The following RAP1GAP variants were observed in gnomAD, a reference collection of about 807,000 sequenced individuals.
RAP1GAP encodes the protein RAP1 GTPase activating protein.
RAP1GAP carries 35 observed loss-of-function variants against 87.2 expected under a neutral mutation model. The observed-to-expected ratio is 0.40, with a 90% CI of 0.31 to 0.53. The LOEUF is 0.53. RAP1GAP is among the 20% of genes least tolerant of loss of function. RAP1GAP has a pLI of 0.48. For synonymous variants in RAP1GAP, 375 were observed against 363.9 expected, an observed-to-expected ratio of 1.03 and a Z score of -0.35; for missense variants, 734 against 898.9, an observed-to-expected ratio of 0.82 and a Z score of 2.35.
At chr1:21,651,674 C>A in intron 1 of RAP1GAP, 1 of 1,192,324 alleles carries the variant, frequency 8.4e-7, no homozygotes, top group East Asian at 2.7e-5. Context: ...AGTCATAGCC[C>A]AGGCCCACCC....
intron 1 of RAP1GAP, among the ~76,000 whole-genome samples, chr1:21,657,179 C>T (rs2096899898): frequency 6.6e-6 from 1 of 152,228 alleles, no homozygotes; most frequent in Non-Finnish European, 1.5e-5. Context: ...CAAATGCATG[C>T]AGACAGGCTC....
chr1:21,629,537 T>TC (rs1200705833), intron 2 of RAP1GAP, among the ~76,000 whole-genome samples: 1 of 151,802 alleles, frequency 6.6e-6, no homozygotes, highest in East Asian at 1.9e-4. Context: ...CACAGTCCTG[T>TC]CCCCCGAAGG....
At chr1:21,658,777 G>T (rs1307125619) in intron 1 of RAP1GAP, among the ~76,000 whole-genome samples, 2 of 151,518 alleles carry the variant, frequency 1.3e-5, no homozygotes, top group South Asian at 2.1e-4. Context: ...GGTGCCCAAG[G>T]CTGGTTACTT....
In RAP1GAP at chr1:21,611,900, G is replaced by C. The variant is rs949529810; in HGVS notation, c.613-84C>G. ...TCCCTACTTGGACCCAGAGAGGGCCGGAGGGAGGACCTCTGGCAGCCCCTG... is the reference window on the plus strand; with the variant it reads ...TCCCTACTTGGACCCAGAGAGGGCCCGAGGGAGGACCTCTGGCAGCCCCTG... On this transcript the variant is annotated intron_variant, in intron 11 of 24. Coordinates refer to ENST00000374765, the MANE Select transcript of RAP1GAP (RefSeq NM_002885.4). 1.9e-5 allele frequency: 29 copies of C among 1,498,980 alleles called. No individual in the cohort carries two copies. The African/African-American group carries it at 3.5e-4, about 18-fold the overall frequency. 92.9% of individuals were successfully genotyped at this position (1,498,980 alleles called of 1,614,324 possible).
Position 21,597,697 on chromosome 1 carries a change from C to T in RAP1GAP, c.*23G>A. 2 of 1,612,252 alleles carry T rather than the reference C, an allele frequency of 1.2e-6. No individual in the cohort carries two copies. Among genetic ancestry groups the T allele is most frequent in the South Asian group, 1.1e-5 (1 of 90,852 alleles). ...GGGCTGGGTCTAACCTGCTCAGTTT[C>T]ACCTTCAGAGGGGGTGGCCCGGCTA... On this transcript the variant is annotated 3_prime_UTR_variant, in exon 24 of 25. Coordinates refer to ENST00000374765, the MANE Select transcript of RAP1GAP (RefSeq NM_002885.4).
intron 3 of RAP1GAP, among the ~76,000 whole-genome samples, chr1:21,625,424 A>C (rs2091548009): frequency 6.6e-6 from 1 of 152,194 alleles, no homozygotes; most frequent in Non-Finnish European, 1.5e-5. Flanking sequence ...AAGTACTGCA[A>C]AAGTGAGAGC....
chr1:21,655,657 C>A (rs1247043451), intron 1 of RAP1GAP, among the ~76,000 whole-genome samples: 1 of 152,238 alleles, frequency 6.6e-6, no homozygotes, highest in East Asian at 1.9e-4. Context: ...TTTCCAGGGT[C>A]CAGGCCCTCC....
intron 1 of RAP1GAP, among the ~76,000 whole-genome samples, chr1:21,652,667 G>T (rs1051580917): frequency 6.6e-6 from 1 of 152,194 alleles, no homozygotes; most frequent in South Asian, 2.1e-4. Flanking sequence ...TCTGCAGCAG[G>T]TACTCATTCG....
chr1:21,606,874 A>G (rs1260934348), intron 17 of RAP1GAP, among the ~76,000 whole-genome samples: 1 of 151,996 alleles, frequency 6.6e-6, no homozygotes, highest in African/African-American at 2.4e-5. Flanking sequence ...AAATTCTTTG[A>G]CCTAATCTAG....
Position 21,615,894 on chromosome 1 carries a change from C to G in RAP1GAP, c.291+1412G>C, listed in dbSNP as rs189560782. Among the ~76,000 whole-genome samples the G allele has an allele frequency of 2.0e-4, 31 of 152,264 alleles. No homozygotes were observed. In the East Asian group the frequency reaches 6.0e-3, roughly 29 times the overall value. ...CTGGGAACCTCTGGACAGCAGGTGCCTAGGATGCAGGTCTCGCTCCACCTC... is the reference window on the plus strand; with the variant it reads ...CTGGGAACCTCTGGACAGCAGGTGCGTAGGATGCAGGTCTCGCTCCACCTC... On this transcript the variant is annotated intron_variant, in intron 7 of 24. Transcript: ENST00000374765. The surrounding 1 kb of genome is among the most constrained non-coding windows in gnomAD (Gnocchi z 4.5).
At chr1:21,650,278 G>A (rs1251093407) in intron 1 of RAP1GAP, among the ~76,000 whole-genome samples, 1 of 152,088 alleles carries the variant, frequency 6.6e-6, no homozygotes, top group African/African-American at 2.4e-5. Context: ...ATCCACCCAG[G>A]AAGCAAATGT....
chr1:21,664,746 ATTAT>A (rs1265440213), intron 1 of RAP1GAP, among the ~76,000 whole-genome samples: 1 of 42,770 alleles, frequency 2.3e-5, no homozygotes, highest in Non-Finnish European at 6.3e-5. Flanking sequence ...GAAAAGGCTT[ATTAT>A]TTTTTTTTTC....
chr1:21,666,756 C>T (rs2097365026), intron 1 of RAP1GAP, among the ~76,000 whole-genome samples: 3 of 151,672 alleles, frequency 2.0e-5, no homozygotes, highest in African/African-American at 4.8e-5. Context: ...GGTGCATGTG[C>T]GTGTCTGCCA....
At chr1:21,632,351 C>T (rs914355833) in intron 2 of RAP1GAP, among the ~76,000 whole-genome samples, 1 of 152,194 alleles carries the variant, frequency 6.6e-6, no homozygotes, top group Non-Finnish European at 1.5e-5. Context: ...ATCGCACCAT[C>T]GTGAGTGCAG....
intron 2 of RAP1GAP, among the ~76,000 whole-genome samples, chr1:21,648,405 G>C (rs995278924): frequency 6.6e-6 from 1 of 152,164 alleles, no homozygotes; most frequent in African/African-American, 2.4e-5. Flanking sequence ...CGAGGTTTTG[G>C]GCTCTGCACA....
intron 3 of RAP1GAP, among the ~76,000 whole-genome samples, chr1:21,620,848 G>A (rs536855235): frequency 7.0e-5 from 8 of 114,856 alleles, no homozygotes; most frequent in Non-Finnish European, 1.0e-4. Flanking sequence ...CAGGAAGCAC[G>A]CACACTCTCT....
rs866677 is a variant in RAP1GAP at position 21,606,155 on chromosome 1, G to C, written c.1339C>G (p.Leu447Val). The change falls in exon 18 of 25, where the codon CTG becomes GTG. Residue 447 changes from leucine to valine, a missense_variant. Coordinates refer to ENST00000374765, the MANE Select transcript of RAP1GAP (RefSeq NM_002885.4). ...SRSQSMDAMG[L>V]SNKKPNTVST... ...ACGGTGTTGGGCTTCTTGTTGCTCA[G>C]CCCCATGGCATCCATGGACTGGCTG... 5.0e-6 allele frequency: 8 copies of C among 1,585,366 alleles called. No individual in the cohort carries two copies. The highest frequency in any genetic ancestry group is 6.9e-6 in the Non-Finnish European group (8 of 1,166,208).
Position 21,634,058 on chromosome 1 carries a change from CGGGGGGG to C in RAP1GAP, c.-112-7668_-112-7662del, listed in dbSNP as rs59476256. Among the ~76,000 whole-genome samples, 3 of 143,264 alleles carry C rather than the reference CGGGGGGG, an allele frequency of 2.1e-5. No homozygotes were observed. Among genetic ancestry groups the C allele is most frequent in the South Asian group, 2.2e-4 (1 of 4,580 alleles). 94.0% of individuals were successfully genotyped at this position (143,264 alleles called of 152,430 possible). ...TGGCTGCCCCAGAACTGCCCCCTCC[CGGGGGGG>C]GGGGGGGGCCACAGAAGCCCATTGT... On this transcript the variant is annotated intron_variant, in intron 2 of 24. Transcript: ENST00000374765. The surrounding 1 kb of genome is among the most constrained non-coding windows in gnomAD (Gnocchi z 4.1).
chr1:21,651,958 G>A (rs1459362330), intron 1 of RAP1GAP: 1 of 760,296 alleles, frequency 1.3e-6, no homozygotes, highest in Non-Finnish European at 1.6e-6. Flanking sequence ...GCGGGCCGCG[G>A]TCCAGCTGCC....
Sources: gnomAD v4.1 joint callset for allele counts (sites outside exome capture counted in the v4.1 genomes callset) on GRCh38, gnomAD v4.1.1 for gene constraint, Gnocchi (gnomAD v3.1) non-coding constraint, MANE v1.5 for transcripts, NCBI Gene and HGNC (gene_info 2026-07-23, HGNC 2026-07-21) for gene names.